DIAPH2: variants seen among roughly 807,000 people sequenced by gnomAD.
DIAPH2 encodes the protein diaphanous related formin 2, also known as protein diaphanous homolog 2.
Under a neutral mutation model 92.7 loss-of-function variants are expected in DIAPH2, and 35 were observed. The ratio of observed to expected loss-of-function variants is 0.38; its 90% confidence interval spans 0.29 to 0.50. The LOEUF (loss-of-function observed/expected upper bound fraction) is 0.50, where lower values mean the gene tolerates loss of function less well. Among genes scored for constraint, DIAPH2 ranks in the 20% least tolerant of loss-of-function variants. DIAPH2 has a pLI of 0.94. For missense variants in DIAPH2, 701 were observed against 819.5 expected, an observed-to-expected ratio of 0.86 and a Z score of 1.77; for synonymous variants, 301 against 280.4, an observed-to-expected ratio of 1.07 and a Z score of -0.73.
chrX:97,221,575 G>A (rs1054413767), intron 22 of DIAPH2, among the ~76,000 whole-genome samples: 1 of 111,567 alleles, frequency 9.0e-6, no homozygotes, highest in Non-Finnish European at 1.9e-5. Context: ...CAAATGTTGC[G>A]GTTTGTCTCT....
chrX:97,582,357 G>T, intron 26 of DIAPH2, among the ~76,000 whole-genome samples: 1 of 71,892 alleles, frequency 1.4e-5, no homozygotes, highest in South Asian at 9.7e-4. Flanking sequence ...CTCTTTTAGG[G>T]CAGGCCTGGT....
chrX:97,567,062 C>G lies in DIAPH2; in HGVS notation c.3242-32191C>G, dbSNP rs761117367. ...ATGACTCCCCATCACACCCCTAAAA[C>G]ACATAATAACTACACACATCTTGGT... is the stretch of plus-strand genomic sequence containing the variant. On this transcript the variant is annotated intron_variant, in intron 26 of 26. Coordinates refer to ENST00000324765, the MANE Select transcript of DIAPH2 (RefSeq NM_006729.5). 6.0e-4 allele frequency among the ~76,000 whole-genome samples: 67 copies of G among 111,507 alleles called. 1 individual carries two copies. The highest frequency in any genetic ancestry group is 4.7e-3 in the Middle Eastern group (1 of 214).
chrX:97,346,970 G>A (rs959276051), intron 23 of DIAPH2, among the ~76,000 whole-genome samples: 10 of 110,100 alleles, frequency 9.1e-5, no homozygotes, highest in African/African-American at 3.0e-4. Flanking sequence ...TTGGGGAAGT[G>A]TGTCTTGAAC....
intron 20 of DIAPH2, among the ~76,000 whole-genome samples, chrX:97,112,159 G>A (rs540017415): frequency 9.0e-6 from 1 of 111,613 alleles, no homozygotes; most frequent in African/African-American, 3.3e-5. Context: ...ATGATTGCAG[G>A]CACATGATAT....
intron 26 of DIAPH2, among the ~76,000 whole-genome samples, chrX:97,535,669 C>T (rs1184516234): frequency 1.8e-5 from 2 of 111,266 alleles, no homozygotes; most frequent in Middle Eastern, 9.2e-3. Context: ...CCAGGCTGGT[C>T]GAACTCCTGA....
intron 21 of DIAPH2, among the ~76,000 whole-genome samples, chrX:97,121,508 G>T (rs1156318246): frequency 8.9e-6 from 1 of 112,111 alleles, no homozygotes; most frequent in African/African-American, 3.2e-5. Flanking sequence ...TATTACTACA[G>T]ATTGAAAGTC....
chrX:97,478,554 A>G (rs1193750440), intron 26 of DIAPH2, among the ~76,000 whole-genome samples: 1 of 112,091 alleles, frequency 8.9e-6, no homozygotes, highest in Non-Finnish European at 1.9e-5. Flanking sequence ...ATTTTGAATG[A>G]AATTTTGAAT....
At chrX:97,553,667 TAAAAA>T (rs370885893) in intron 26 of DIAPH2, among the ~76,000 whole-genome samples, 3 of 86,884 alleles carry the variant, frequency 3.5e-5, no homozygotes, top group Non-Finnish European at 2.2e-5. Flanking sequence ...GTGAGTAGGT[TAAAAA>T]AAAAAAAAAA....
intron 5 of DIAPH2, among the ~76,000 whole-genome samples, chrX:96,889,934 CT>C (rs1343175757): frequency 1.8e-5 from 2 of 112,100 alleles, no homozygotes; most frequent in Non-Finnish European, 3.8e-5. Flanking sequence ...AATGTAGAGC[CT>C]TATTGACCAT....
intron 25 of DIAPH2, among the ~76,000 whole-genome samples, chrX:97,412,263 A>T (rs1326789600): frequency 4.5e-5 from 5 of 111,911 alleles, no homozygotes; most frequent in African/African-American, 1.6e-4. Flanking sequence ...TCAAAACCAC[A>T]CAACTACATG....
intron 19 of DIAPH2, 82 bp from the exon 20 acceptor site, chrX:97,099,612 T>C: frequency 1.7e-6 from 1 of 587,098 alleles, no homozygotes; most frequent in South Asian, 4.7e-5. Context: ...CTGTCCTAGT[T>C]AATCACTTTC....
intron 17 of DIAPH2, among the ~76,000 whole-genome samples, chrX:97,012,193 A>G (rs1186840402): frequency 8.9e-6 from 1 of 111,902 alleles, no homozygotes; most frequent in African/African-American, 3.3e-5. Context: ...AGGACATACA[A>G]TCGTAGTGCT....
At chrX:97,182,170 A>G (rs906554764) in intron 22 of DIAPH2, among the ~76,000 whole-genome samples, 1 of 111,204 alleles carries the variant, frequency 9.0e-6, no homozygotes, top group African/African-American at 3.3e-5. Flanking sequence ...GGGGCTAGGC[A>G]TGATAGGAGG....
chrX:97,486,672 C>A (rs1256610390), intron 26 of DIAPH2, among the ~76,000 whole-genome samples: 1 of 111,608 alleles, frequency 9.0e-6, no homozygotes, highest in Non-Finnish European at 1.9e-5. Context: ...CCTACTAGCC[C>A]AGTGCAAGTA....
At chrX:97,033,126 C>T (rs1233030530) in intron 17 of DIAPH2, among the ~76,000 whole-genome samples, 1 of 111,619 alleles carries the variant, frequency 9.0e-6, no homozygotes, top group Admixed American at 9.5e-5. Flanking sequence ...AAAAACAATT[C>T]CTAATATGCT....
At chrX:97,585,828 A>G (rs988945269) in intron 26 of DIAPH2, among the ~76,000 whole-genome samples, 1 of 111,561 alleles carries the variant, frequency 9.0e-6, no homozygotes, top group African/African-American at 3.3e-5. Context: ...TGACCTCCAT[A>G]TTTCTAAATC....
At chrX:97,372,238 T>G (rs1043535718) in intron 24 of DIAPH2, among the ~76,000 whole-genome samples, 2 of 112,186 alleles carry the variant, frequency 1.8e-5, no homozygotes, top group Non-Finnish European at 3.8e-5. Context: ...CCAGCCTTCA[T>G]TATCGGTGCA....
intron 23 of DIAPH2, among the ~76,000 whole-genome samples, chrX:97,315,250 C>T (rs1332362131): frequency 9.0e-6 from 1 of 111,484 alleles, no homozygotes; most frequent in African/African-American, 3.3e-5. Flanking sequence ...GCTGCAGTAA[C>T]GATCATGGTG....
At chrX:97,242,335 A>G (rs1306349903) in intron 22 of DIAPH2, among the ~76,000 whole-genome samples, 1 of 110,547 alleles carries the variant, frequency 9.0e-6, no homozygotes, top group Non-Finnish European at 1.9e-5. Flanking sequence ...AAGCAGGTAA[A>G]TGAATTGCTC....
Sources: allele counts gnomAD v4.1 joint callset (sites outside exome capture counted in the v4.1 genomes callset), GRCh38; gene constraint gnomAD v4.1.1; transcripts MANE v1.5; gene names NCBI Gene and HGNC (gene_info 2026-07-23, HGNC 2026-07-21).